IDUA: variants seen among roughly 807,000 people sequenced by gnomAD.
IDUA encodes the protein alpha-L-iduronidase, also known as iduronidase alpha-L-.
In IDUA, 65 loss-of-function variants were observed where a neutral mutation model predicts 68.9. The ratio of observed to expected loss-of-function variants is 0.94; its 90% CI spans 0.77 to 1.16. The LOEUF (loss-of-function observed/expected upper bound fraction) is 1.16. Ranked by LOEUF, IDUA falls within the 50% of genes most tolerant of loss-of-function variation. The pLI is 0.00. For synonymous variants in IDUA, 529 were observed against 433.6 expected, an observed-to-expected ratio of 1.22 and a Z score of -2.73; for missense variants, 1,046 against 938.0, an observed-to-expected ratio of 1.12 and a Z score of -1.50.
chr4:988,208 A>T lies in IDUA; in HGVS notation c.299+259A>T, dbSNP rs373044300. 86 of 1,343,452 alleles carry T rather than the reference A, an allele frequency of 6.4e-5. No homozygotes were observed. The East Asian group carries it at 2.2e-3, about 34-fold the overall frequency. The allele number at this position is 1,343,452 out of a possible 1,614,324, so 83.2% of individuals were successfully genotyped here. On this transcript the variant is annotated intron_variant, in intron 2 of 13. Transcript: ENST00000514224. Reference sequence around the variant, plus strand: ...CTGCGCCGCACCTGGCTCCTGGTGCACCCGTGAGCATCCCTGTGTGTGTCT... The same window carrying T: ...CTGCGCCGCACCTGGCTCCTGGTGCTCCCGTGAGCATCCCTGTGTGTGTCT...
intron 2 of IDUA, chr4:988,376 G>A (rs1713914958): frequency 4.7e-6 from 5 of 1,066,096 alleles, no homozygotes; most frequent in Non-Finnish European, 4.5e-6. Context: ...GGGTGTGTGG[G>A]GCCTTCTGGA....
intron 2 of IDUA, among the ~76,000 whole-genome samples, chr4:996,806 G>A (rs1407404350): frequency 2.0e-5 from 3 of 152,138 alleles, no homozygotes; most frequent in Non-Finnish European, 4.4e-5. Context: ...GTGCCCAGGG[G>A]GTCCAGGGGC....
intron 8 of IDUA, 72 bp downstream of exon 8, chr4:1,002,557 C>G: frequency 1.5e-6 from 2 of 1,342,280 alleles, no homozygotes; most frequent in African/African-American, 3.1e-5. Flanking sequence ...GAAGGCCCCG[C>G]TGCGGGGAGC....
In IDUA at chr4:987,831, G is replaced by A; in HGVS notation, c.181G>A (p.Ala61Thr). The A allele has an allele frequency of 6.2e-7, 1 of 1,612,484 alleles. No individual in the cohort carries two copies. ...GFCPPLPHSQADQYVLSWDQQ... is the reference protein window; with the variant it reads ...GFCPPLPHSQTDQYVLSWDQQ... ...CAGCCCCCCGCTGCCACACAGCCAGGCTGACCAGTACGTCCTCAGCTGGGA... is the reference window on the plus strand; with the variant it reads ...CAGCCCCCCGCTGCCACACAGCCAGACTGACCAGTACGTCCTCAGCTGGGA... The change falls in exon 2 of 14, where the codon GCT becomes ACT. Residue 61 changes from alanine (A) to threonine (T), a missense_variant. Transcript: ENST00000514224.
At chr4:995,626 T>C (rs979576233) in intron 2 of IDUA, among the ~76,000 whole-genome samples, 1 of 152,244 alleles carries the variant, frequency 6.6e-6, no homozygotes, top group Non-Finnish European at 1.5e-5. Flanking sequence ...CCATGTGGGA[T>C]TGAAGCCGAG....
At chr4:991,273 G>T (rs1714289739) in intron 2 of IDUA, 1 of 1,612,686 alleles carries the variant, frequency 6.2e-7, no homozygotes, top group East Asian at 2.2e-5. Context: ...GTCAAAGCCG[G>T]CCAGCTGGAG....
rs916118864 is a variant in IDUA, at chr4:1,003,429, C to T, written c.1609C>T (p.Leu537=). ...CGCGCTGCGGCTGCCGTCGCTTTTGCTGGTGCACGTGTGTGCGCGCCCCGA... is the reference window on the plus strand; with the variant it reads ...CGCGCTGCGGCTGCCGTCGCTTTTGTTGGTGCACGTGTGTGCGCGCCCCGA... ...RPALRLPSLL[L]VHVCARPEKP... Residue 537 remains leucine (L), a synonymous_variant, in exon 11 of 14, where the codon CTG becomes TTG. Coordinates refer to ENST00000514224, the MANE Select transcript of IDUA (RefSeq NM_000203.5). The T allele has an allele frequency of 6.5e-7, 1 of 1,533,920 alleles. No individual in the cohort carries two copies. Among genetic ancestry groups the T allele is most frequent in the Admixed American group, 2.0e-5 (1 of 51,022 alleles).
rs765231968 is a variant in IDUA at position 1,002,381 on chromosome 4, A to C, written c.1085A>C (p.Gln362Pro). 1 of 1,610,906 alleles carries C rather than the reference A, an allele frequency of 6.2e-7. No homozygotes were observed. The highest frequency in any genetic ancestry group is 1.7e-5 in the Admixed American group (1 of 59,770). The change falls in exon 8 of 14, where the codon CAG becomes CCG. Residue 362 changes from glutamine (Q) to proline (P), a missense_variant. Transcript: ENST00000514224. ...FLSYHPHPFA[Q>P]RTLTARFQVN... Reference sequence around the variant, plus strand: ...AGCTACCACCCGCACCCCTTCGCGCAGCGCACGCTCACCGCGCGCTTCCAG... The same window carrying C: ...AGCTACCACCCGCACCCCTTCGCGCCGCGCACGCTCACCGCGCGCTTCCAG...
chr4:988,448 G>A lies in IDUA; in HGVS notation c.299+499G>A, dbSNP rs963409642. 8.1e-5 allele frequency: 88 copies of A among 1,092,310 alleles called. No homozygotes were observed. The Admixed American group carries it at 8.5e-4, about 11-fold the overall frequency. 67.7% of individuals were successfully genotyped at this position (1,092,310 alleles called of 1,614,324 possible). On this transcript the variant is annotated intron_variant, in intron 2 of 13. Transcript: ENST00000514224. The stretch of plus-strand genomic sequence containing the variant: ...GGCTCCTACCAGCAGGGTGGGCACC[G>A]GGCAGGCCTGGGCATAGGGAGTCCT...
chr4:993,999 G>T (rs1484472018), intron 2 of IDUA, among the ~76,000 whole-genome samples: 3 of 152,274 alleles, frequency 2.0e-5, no homozygotes, highest in African/African-American at 7.2e-5. Flanking sequence ...CACAGCGCCT[G>T]GTCACCCTCA....
At chr4:988,493 C>A in intron 2 of IDUA, 1 of 1,134,856 alleles carries the variant, frequency 8.8e-7, no homozygotes, top group Non-Finnish European at 1.1e-6. Context: ...TTGGAGGCTG[C>A]ATGATGGCGG....
rs772906315 is a variant in IDUA at position 991,734 on chromosome 4, C to T, written c.299+3785C>T. 2.8e-5 allele frequency: 42 copies of T among 1,526,134 alleles called. 1 individual carries two copies. The highest frequency in any genetic ancestry group is 2.5e-5 in the South Asian group (2 of 81,102). 94.5% of individuals were successfully genotyped at this position (1,526,134 alleles called of 1,614,324 possible). ...TGCGTCAGGTCCCGTGGCCGACCTG[C>T]GGCCGAGAAGAGGGCATGGTCACAG... is the stretch of plus-strand genomic sequence containing the variant. On this transcript the variant is annotated intron_variant, in intron 2 of 13. Coordinates refer to ENST00000514224, the MANE Select transcript of IDUA (RefSeq NM_000203.5).
chr4:988,419 C>A (rs749751376), intron 2 of IDUA: 23 of 1,064,818 alleles, frequency 2.2e-5, no homozygotes, highest in Non-Finnish European at 2.6e-5. Context: ...TGGCCAGAGC[C>A]GCTGGCTCCT....
chr4:1,000,235 C>A (rs1311182199), intron 2 of IDUA, among the ~76,000 whole-genome samples: 1 of 152,250 alleles, frequency 6.6e-6, no homozygotes, highest in Non-Finnish European at 1.5e-5. Context: ...AAATGGGGCA[C>A]TCCTGGGCCT....
chr4:993,772 C>T (rs927560618), intron 2 of IDUA, among the ~76,000 whole-genome samples: 1 of 152,238 alleles, frequency 6.6e-6, no homozygotes, highest in African/African-American at 2.4e-5. Flanking sequence ...TGTCCAGTCG[C>T]CGGACACCCT....
chr4:995,987 G>A lies in IDUA; in HGVS notation c.300-4625G>A, dbSNP rs559379290. Among the ~76,000 whole-genome samples, 10 of 152,194 alleles carry A rather than the reference G, an allele frequency of 6.6e-5. No homozygotes were observed. The East Asian group carries it at 9.7e-4, about 15-fold the overall frequency. On this transcript the variant is annotated intron_variant, in intron 2 of 13. Coordinates refer to ENST00000514224, the MANE Select transcript of IDUA (RefSeq NM_000203.5). ...GCAGGGCTGAACGCTCTGGGGTCTC[G>A]TACCCCTGAGTGTGAGATTCGGGCA...
At chr4:1,003,723 G>A in intron 12 of IDUA, 98 bp downstream of exon 12, 3 of 1,372,444 alleles carry the variant, frequency 2.2e-6, no homozygotes, top group Non-Finnish European at 3.1e-6. Flanking sequence ...ACTTGCCGTG[G>A]CCCATCGGCT....
intron 2 of IDUA, among the ~76,000 whole-genome samples, chr4:1,000,252 G>A (rs1442099759): frequency 6.6e-6 from 1 of 152,256 alleles, no homozygotes; most frequent in East Asian, 1.9e-4. Context: ...GCCTCCAGGA[G>A]GTGCAGAGAA....
At position 1,001,694 on chromosome 4, in the gene IDUA, A is replaced by C; in HGVS notation, c.605A>C (p.Tyr202Ser). ...CCCGGCCCAGGCTTCCTGAACTACTACGATGCCTGCTCGGAGGGTCTGCGC... is the reference window on the plus strand; with the variant it reads ...CCCGGCCCAGGCTTCCTGAACTACTCCGATGCCTGCTCGGAGGGTCTGCGC... Reference protein sequence around the residue: ...SMTMQGFLNYYDACSEGLRAA... With the variant: ...SMTMQGFLNYSDACSEGLRAA... The change falls in exon 6 of 14, where the codon TAC (tyrosine) becomes TCC (serine). Residue 202 changes from tyrosine (Y) to serine (S), a missense_variant. Tyr to Ser is a moderately radical substitution (Grantham distance 144). Coordinates refer to ENST00000514224, the MANE Select transcript of IDUA (RefSeq NM_000203.5). 6.2e-7 allele frequency: 1 copy of C among 1,600,728 alleles called. No homozygotes were observed. Among genetic ancestry groups the C allele is most frequent in the South Asian group, 1.1e-5 (1 of 90,876 alleles).
Sources: allele counts gnomAD v4.1 joint callset (sites outside exome capture counted in the v4.1 genomes callset), GRCh38; gene constraint gnomAD v4.1.1; transcripts MANE v1.5; gene names NCBI Gene and HGNC (gene_info 2026-07-23, HGNC 2026-07-21).